The following CTNNAL1 variants were observed in gnomAD, a reference collection of about 807,000 sequenced individuals.
CTNNAL1 encodes the protein catenin alpha like 1, also known as alpha-catulin.
A neutral mutation model predicts 93.6 loss-of-function variants in CTNNAL1; 69 were observed. The ratio of observed to expected loss-of-function variants is 0.74; its 90% confidence interval spans 0.61 to 0.90. The LOEUF (loss-of-function observed/expected upper bound fraction) is 0.90. Ranked by LOEUF, CTNNAL1 falls within the 40% of genes least tolerant of loss-of-function variation. The pLI is 0.00. For synonymous variants in CTNNAL1, 286 were observed against 305.4 expected (o/e 0.94, Z 0.66); for missense variants, 836 against 862.0 (o/e 0.97, Z 0.38).
chr9:108,969,112 A>G (rs539739183), intron 10 of CTNNAL1, among the ~76,000 whole-genome samples: 1 of 152,136 alleles, frequency 6.6e-6, no homozygotes, highest in African/African-American at 2.4e-5. Flanking sequence ...TCTACTAAAA[A>G]TAAAAAAATT....
chr9:108,965,269 C>A, intron 11 of CTNNAL1, 109 bp downstream of exon 11: 1 of 900,150 alleles, frequency 1.1e-6, no homozygotes, highest in Non-Finnish European at 1.6e-6. Flanking sequence ...CAAAAATAAC[C>A]CAGCTGGGTT....
intron 6 of CTNNAL1, among the ~76,000 whole-genome samples, chr9:108,982,343 C>A (rs975033915): frequency 6.6e-6 from 1 of 152,168 alleles, no homozygotes; most frequent in Admixed American, 6.5e-5. Flanking sequence ...AGGGCTGGCA[C>A]AGAATAAGGA....
Position 108,970,471 on chromosome 9 carries a change from T to C in CTNNAL1, c.1371A>G (p.Ile457Met), listed in dbSNP as rs779473141. Residue 457 changes from isoleucine (I) to methionine (M), a missense_variant, in exon 10 of 19, where the codon ATA (isoleucine) becomes ATG (methionine). Physicochemically the swap from Ile to Met is conservative, Grantham distance 10. Coordinates refer to ENST00000325551, the MANE Select transcript of CTNNAL1 (RefSeq NM_003798.4). ...LVETCRLLRH[I>M]SGTEPLEITC... ...TTATTTCCAGAGGTTCTGTCCCAGA[T>C]ATGTGTCGTAACAATCGACAGGTCT... 1 of 1,611,896 alleles carries C rather than the reference T, an allele frequency of 6.2e-7. No homozygotes were observed. Among genetic ancestry groups the C allele is most frequent in the Non-Finnish European group, 8.5e-7 (1 of 1,179,122 alleles).
At chr9:108,947,130 T>G (rs1830428850) in intron 15 of CTNNAL1, among the ~76,000 whole-genome samples, 1 of 151,160 alleles carries the variant, frequency 6.6e-6, no homozygotes, top group South Asian at 2.1e-4. Context: ...TTTTTTTTTT[T>G]TGAGATGGAG....
chr9:109,006,955 AC>A (rs1415425185), intron 1 of CTNNAL1, among the ~76,000 whole-genome samples: 9 of 152,198 alleles, frequency 5.9e-5, no homozygotes, highest in Admixed American at 5.9e-4. Flanking sequence ...GTGGCAGATC[AC>A]ACCTGTAATC....
intron 15 of CTNNAL1, 66 bp downstream of exon 15, chr9:108,948,120 A>G (rs1830457977): frequency 3.9e-6 from 6 of 1,539,210 alleles, no homozygotes; most frequent in Non-Finnish European, 5.4e-6. Flanking sequence ...AATCATCTGG[A>G]AAACATTTAT....
chr9:108,992,157 TC>T (rs1253477762), intron 3 of CTNNAL1: 2 of 663,118 alleles, frequency 3.0e-6, no homozygotes, highest in Non-Finnish European at 5.5e-6. Flanking sequence ...GCTCACCTTT[TC>T]TTTCCAAATG....
chr9:108,997,007 G>A (rs1334562520), intron 2 of CTNNAL1, among the ~76,000 whole-genome samples: 2 of 151,902 alleles, frequency 1.3e-5, no homozygotes, highest in Non-Finnish European at 2.9e-5. Context: ...CAAAGTTTCT[G>A]GTTTATTTAT....
chr9:109,013,245 C>G (rs1827267715), intron 1 of CTNNAL1, 57 bp downstream of exon 1: 1 of 1,415,016 alleles, frequency 7.1e-7, no homozygotes, highest in Non-Finnish European at 9.2e-7. Context: ...GAGCGGCGGC[C>G]GCCATCGCGG....
Position 108,972,715 on chromosome 9 carries a change from T to C in CTNNAL1, c.1307A>G (p.Tyr436Cys), listed in dbSNP as rs116010625. ...VEGNLEALAEYACKLSEQKEQ... is the reference protein window; with the variant it reads ...VEGNLEALAECACKLSEQKEQ... ...TTTCTGTTCAGAGAGTTTACAGGCA[T>C]ATTCAGCCAAAGCTTCTAAATTTCC... is the stretch of plus-strand genomic sequence containing the variant. The change falls in exon 9 of 19, where the codon TAT becomes TGT. Residue 436 changes from tyrosine to cysteine, a missense_variant. Coordinates refer to ENST00000325551, the MANE Select transcript of CTNNAL1 (RefSeq NM_003798.4). The C allele has an allele frequency of 2.3e-4, 371 of 1,614,066 alleles. 1 individual carries two copies. The African/African-American group carries it at 4.6e-3, about 20-fold the overall frequency.
At chr9:109,005,973 T>C (rs954083901) in intron 1 of CTNNAL1, among the ~76,000 whole-genome samples, 5 of 152,344 alleles carry the variant, frequency 3.3e-5, no homozygotes, top group African/African-American at 4.8e-5. Flanking sequence ...ACTAAGTCAA[T>C]ATGTAACATT....
intron 17 of CTNNAL1, 139 bp from the exon 18 acceptor site, chr9:108,943,183 T>C (rs1830295712): frequency 1.3e-6 from 1 of 777,692 alleles, no homozygotes; most frequent in Non-Finnish European, 2.0e-6. Flanking sequence ...TTTAGGCACA[T>C]GAGCTGACTC....
chr9:109,006,381 A>G (rs892955083), intron 1 of CTNNAL1, among the ~76,000 whole-genome samples: 1 of 152,224 alleles, frequency 6.6e-6, no homozygotes, highest in Non-Finnish European at 1.5e-5. Flanking sequence ...TACAGATACA[A>G]AATCTGAAAT....
chr9:109,008,360 A>G (rs1260339382), intron 1 of CTNNAL1, among the ~76,000 whole-genome samples: 1 of 151,814 alleles, frequency 6.6e-6, no homozygotes, highest in African/African-American at 2.4e-5. Context: ...TTGGTCAGGC[A>G]GGTCTCAAAC....
chr9:108,972,649 A>C (rs747362010), intron 9 of CTNNAL1, 26 bp downstream of exon 9: 1 of 1,585,430 alleles, frequency 6.3e-7, no homozygotes, highest in Non-Finnish European at 8.6e-7. Flanking sequence ...TTAAACTACA[A>C]TTTCTTTAGC....
chr9:108,969,163 A>C (rs1831039163), intron 10 of CTNNAL1, among the ~76,000 whole-genome samples: 1 of 151,850 alleles, frequency 6.6e-6, no homozygotes, highest in Admixed American at 6.6e-5. Flanking sequence ...CCAGCTACTC[A>C]GGAGGGTGAG....
chr9:108,976,302 T>G (rs1375081833), intron 8 of CTNNAL1, among the ~76,000 whole-genome samples: 1 of 152,194 alleles, frequency 6.6e-6, no homozygotes, highest in African/African-American at 2.4e-5. Flanking sequence ...TAGTATGTCT[T>G]AGTGATTCAT....
At chr9:108,968,721 T>C (rs548650562) in intron 10 of CTNNAL1, among the ~76,000 whole-genome samples, 12 of 152,228 alleles carry the variant, frequency 7.9e-5, no homozygotes, top group Admixed American at 5.2e-4. Flanking sequence ...CATGAGATCA[T>C]CCCTCCAACA....
intron 11 of CTNNAL1, among the ~76,000 whole-genome samples, chr9:108,964,130 A>G (rs563904256): frequency 1.2e-4 from 19 of 152,324 alleles, no homozygotes; most frequent in Non-Finnish European, 5.9e-5. Context: ...TCATATGAAA[A>G]TCTATGTAAC....
Sources: gnomAD v4.1 joint callset for allele counts (sites outside exome capture counted in the v4.1 genomes callset) on GRCh38, gnomAD v4.1.1 for gene constraint, MANE v1.5 for transcripts, NCBI Gene and HGNC (gene_info 2026-07-23, HGNC 2026-07-21) for gene names.